IQGAP2: variants seen among roughly 807,000 people sequenced by gnomAD.
IQGAP2 encodes the protein IQ motif containing GTPase activating protein 2, also known as ras GTPase-activating-like protein IQGAP2.
Under a neutral mutation model 201.3 loss-of-function variants are expected in IQGAP2, and 173 were observed. The observed-to-expected ratio is 0.86, with a 90% CI of 0.76 to 0.98. The LOEUF is 0.98. Among genes scored for constraint, IQGAP2 ranks in the 50% least tolerant of loss-of-function variants. IQGAP2 has a pLI of 0.00. For synonymous variants in IQGAP2, 675 were observed against 673.9 expected, an observed-to-expected ratio of 1.00 and a Z score of -0.03; for missense variants, 1,687 against 1,864.8, an observed-to-expected ratio of 0.90 and a Z score of 1.76.
At chr5:76,404,438 G>A (rs1750685927) in intron 1 of IQGAP2, 1 of 984,526 alleles carries the variant, frequency 1.0e-6, no homozygotes, top group Non-Finnish European at 1.2e-6. Flanking sequence ...CAAACAGAAA[G>A]TTGGCCTGCT....
At chr5:76,538,620 T>A (rs1293165931) in intron 2 of IQGAP2, among the ~76,000 whole-genome samples, 2 of 152,212 alleles carry the variant, frequency 1.3e-5, no homozygotes, top group Non-Finnish European at 2.9e-5. Context: ...CTCACTCAAT[T>A]CATTGGGGCT....
chr5:76,651,803 A>C (rs1479280183), intron 17 of IQGAP2, among the ~76,000 whole-genome samples: 1 of 151,988 alleles, frequency 6.6e-6, no homozygotes. Flanking sequence ...GCAAGTGCCC[A>C]GTTCGTCATT....
intron 2 of IQGAP2, among the ~76,000 whole-genome samples, chr5:76,533,906 C>T (rs989151133): frequency 6.6e-6 from 1 of 152,230 alleles, no homozygotes; most frequent in African/African-American, 2.4e-5. Context: ...GAATACGAAC[C>T]CTTTGTTACA....
chr5:76,466,063 C>G (rs920196209), intron 2 of IQGAP2, among the ~76,000 whole-genome samples: 2 of 151,886 alleles, frequency 1.3e-5, no homozygotes, highest in African/African-American at 2.4e-5. Context: ...GTGGCCAGGT[C>G]TGGTGGCTTG....
intron 2 of IQGAP2, among the ~76,000 whole-genome samples, chr5:76,532,996 G>C (rs997175884): frequency 6.6e-6 from 1 of 152,240 alleles, no homozygotes; most frequent in Non-Finnish European, 1.5e-5. Flanking sequence ...GGCTTGTGAA[G>C]TAAGAAGCTG....
Position 76,592,891 on chromosome 5 carries a change from A to G in IQGAP2, c.873A>G (p.Gln291=), listed in dbSNP as rs142653944. The change falls in exon 9 of 36, where the codon CAA becomes CAG. Residue 291 remains glutamine (Q), a synonymous_variant. Transcript: ENST00000274364. ...ERDAYEELLT[Q]AEIQGNINKV... ...ATGCTTATGAAGAACTGCTGACACA[A>G]GCAGAAATCCAAGGCAATATTAATA... 1.3e-4 allele frequency: 209 copies of G among 1,612,486 alleles called. No individual in the cohort carries two copies. The African/African-American group carries it at 1.7e-3, about 13-fold the overall frequency.
At chr5:76,666,618 C>T (rs1185616089) in intron 22 of IQGAP2, among the ~76,000 whole-genome samples, 1 of 152,242 alleles carries the variant, frequency 6.6e-6, no homozygotes, top group African/African-American at 2.4e-5. Context: ...ATCAAGTGAA[C>T]TCTCTCTTGA....
intron 11 of IQGAP2, 70 bp from the exon 12 acceptor site, chr5:76,606,109 T>C: frequency 7.4e-7 from 1 of 1,347,494 alleles, no homozygotes; most frequent in African/African-American, 1.5e-5. Context: ...CCATGTGTCA[T>C]AGTTGAGAAA....
At chr5:76,664,948 G>A in intron 21 of IQGAP2, 78 bp from the exon 22 acceptor site, 1 of 826,594 alleles carries the variant, frequency 1.2e-6, no homozygotes. Context: ...AATTACGTGT[G>A]TTTCAATCCT....
chr5:76,475,956 A>T (rs1367541597), intron 2 of IQGAP2, among the ~76,000 whole-genome samples: 1 of 152,130 alleles, frequency 6.6e-6, no homozygotes, highest in East Asian at 1.9e-4. Context: ...CATCTGGCCG[A>T]GGAGCCTATG....
At chr5:76,667,027 G>A (rs73125588) in intron 22 of IQGAP2, among the ~76,000 whole-genome samples, 3,193 of 152,192 alleles carry the variant, frequency 0.021, 109 homozygotes, top group African/African-American at 0.072. Flanking sequence ...AGGATTGCAG[G>A]CATGAGACAC....
chr5:76,552,386 G>T (rs1241820552), intron 2 of IQGAP2, among the ~76,000 whole-genome samples: 3 of 152,166 alleles, frequency 2.0e-5, no homozygotes, highest in African/African-American at 7.2e-5. Context: ...TTGCAATATG[G>T]ATAAGCTGAG....
intron 2 of IQGAP2, among the ~76,000 whole-genome samples, chr5:76,540,142 G>C (rs1742667007): frequency 6.6e-6 from 1 of 152,146 alleles, no homozygotes; most frequent in East Asian, 1.9e-4. Context: ...ATAAAGGTGT[G>C]TTCTCTTGGA....
intron 2 of IQGAP2, among the ~76,000 whole-genome samples, chr5:76,514,624 C>A (rs1333990086): frequency 6.6e-6 from 1 of 152,320 alleles, no homozygotes; most frequent in Admixed American, 6.5e-5. Flanking sequence ...ATCACGTGGT[C>A]TGTCCTCTCT....
chr5:76,414,482 A>C (rs1041985387), intron 1 of IQGAP2, among the ~76,000 whole-genome samples: 1 of 152,158 alleles, frequency 6.6e-6, no homozygotes, highest in African/African-American at 2.4e-5. Context: ...TTCTCTACTA[A>C]TGAGTTTTAT....
chr5:76,700,977 G>C (rs548280791), intron 33 of IQGAP2, 99 bp from the exon 34 acceptor site: 9 of 1,277,372 alleles, frequency 7.0e-6, no homozygotes, highest in Non-Finnish European at 9.9e-6. Context: ...CTGAGGGCCA[G>C]GTATGAACAG....
At chr5:76,547,916 A>G (rs80262111) in intron 2 of IQGAP2, among the ~76,000 whole-genome samples, 2,511 of 152,274 alleles carry the variant, frequency 0.016, 59 homozygotes, top group African/African-American at 0.056. Flanking sequence ...CACCTGGAAG[A>G]CATTGGATCT....
intron 8 of IQGAP2, among the ~76,000 whole-genome samples, chr5:76,591,956 A>G (rs1746689162): frequency 6.6e-6 from 1 of 152,098 alleles, no homozygotes; most frequent in Non-Finnish European, 1.5e-5. Context: ...TGTCCCATGC[A>G]TTGCTAGATT....
chr5:76,438,807 AATGATTTATCAAT>A (rs1752866419), intron 1 of IQGAP2, among the ~76,000 whole-genome samples: 2 of 152,148 alleles, frequency 1.3e-5, no homozygotes, highest in African/African-American at 4.8e-5. Context: ...TAGTTTAGCA[AATGATTTATCAAT>A]TTTGCTTATC....
Sources: allele counts gnomAD v4.1 joint callset (sites outside exome capture counted in the v4.1 genomes callset), GRCh38; gene constraint gnomAD v4.1.1; transcripts MANE v1.5; gene names NCBI Gene and HGNC (gene_info 2026-07-23, HGNC 2026-07-21).